The following SSBP3 variants were observed in gnomAD, a reference collection of about 807,000 sequenced individuals.
SSBP3 encodes the protein single-stranded DNA-binding protein 3.
SSBP3 carries 5 observed loss-of-function variants against 69.6 expected under a neutral mutation model. The ratio of observed to expected loss-of-function variants is 0.07; its 90% CI spans 0.04 to 0.15. The LOEUF is 0.15. SSBP3 is among the 10% of genes least tolerant of loss of function. The pLI is 1.00. For missense variants in SSBP3, 312 were observed against 534.0 expected, an observed-to-expected ratio of 0.58 and a Z score of 4.10; for synonymous variants, 196 against 193.4, an observed-to-expected ratio of 1.01 and a Z score of -0.11.
chr1:54,327,271 A>AC (rs1553139345), intron 4 of SSBP3, among the ~76,000 whole-genome samples: 17 of 151,308 alleles, frequency 1.1e-4, no homozygotes, highest in African/African-American at 3.9e-4. Context: ...GAAGGAAGGA[A>AC]AACAACAACA....
intron 4 of SSBP3, among the ~76,000 whole-genome samples, chr1:54,303,200 G>A (rs1440510534): frequency 2.0e-5 from 3 of 152,362 alleles, no homozygotes; most frequent in African/African-American, 4.8e-5. Flanking sequence ...GAGGCCAAGA[G>A]AGCAGAGATG....
intron 4 of SSBP3, among the ~76,000 whole-genome samples, chr1:54,355,726 A>G (rs939749704): frequency 5.3e-5 from 8 of 152,194 alleles, no homozygotes; most frequent in African/African-American, 1.9e-4. Flanking sequence ...AGTTATCTTA[A>G]AGTCCTCCTA....
At chr1:54,252,863 C>T (rs1644854039) in intron 7 of SSBP3, among the ~76,000 whole-genome samples, 1 of 152,196 alleles carries the variant, frequency 6.6e-6, no homozygotes, top group Non-Finnish European at 1.5e-5. Context: ...GTCATCTTTC[C>T]TCATCTGCAG....
intron 4 of SSBP3, among the ~76,000 whole-genome samples, chr1:54,388,526 A>G (rs1648249471): frequency 6.6e-6 from 1 of 152,218 alleles, no homozygotes; most frequent in Non-Finnish European, 1.5e-5. Context: ...ACAAATTAGG[A>G]AAGAAAGAAA....
intron 10 of SSBP3, 83 bp from the exon 11 acceptor site, chr1:54,242,295 G>C (rs2100653993): frequency 2.0e-6 from 3 of 1,533,628 alleles, no homozygotes; most frequent in Non-Finnish European, 2.7e-6. Flanking sequence ...CAGAAGGAAA[G>C]GGCTGAAATC....
intron 3 of SSBP3, among the ~76,000 whole-genome samples, chr1:54,403,707 G>C (rs571629036): frequency 3.3e-5 from 5 of 152,050 alleles, no homozygotes; most frequent in African/African-American, 9.6e-5. Flanking sequence ...CCGTTTTGCT[G>C]AACTCCATCA....
chr1:54,247,120 G>C (rs1390789983), intron 9 of SSBP3, among the ~76,000 whole-genome samples: 1 of 152,250 alleles, frequency 6.6e-6, no homozygotes. Context: ...TCCACAGTGA[G>C]AAGGGACCGA....
chr1:54,363,183 A>G (rs1646976940), intron 4 of SSBP3, among the ~76,000 whole-genome samples: 2 of 152,158 alleles, frequency 1.3e-5, no homozygotes, highest in African/African-American at 4.8e-5. Flanking sequence ...TCAGTTTCCA[A>G]GGGAAAATGA....
chr1:54,261,229 A>G (rs1645012700), intron 5 of SSBP3, among the ~76,000 whole-genome samples: 1 of 152,266 alleles, frequency 6.6e-6, no homozygotes, highest in Non-Finnish European at 1.5e-5. Flanking sequence ...TGCAAGGAAC[A>G]TGACAGATGA....
intron 4 of SSBP3, among the ~76,000 whole-genome samples, chr1:54,356,032 C>T (rs945402640): frequency 6.6e-6 from 1 of 152,182 alleles, no homozygotes; most frequent in African/African-American, 2.4e-5. Flanking sequence ...GAGAGGCAGC[C>T]TCATGAAATA....
At chr1:54,404,465 C>A in intron 3 of SSBP3, 111 bp downstream of exon 3, 1 of 1,350,412 alleles carries the variant, frequency 7.4e-7, no homozygotes, top group South Asian at 1.2e-5. Context: ...CTCTGTGCAA[C>A]GCAGAGGGCC....
chr1:54,320,676 G>A (rs1002470772), intron 4 of SSBP3, among the ~76,000 whole-genome samples: 1 of 152,196 alleles, frequency 6.6e-6, no homozygotes, highest in Non-Finnish European at 1.5e-5. Flanking sequence ...AGGTCAGGAA[G>A]TAGCTGCTGA....
intron 9 of SSBP3, among the ~76,000 whole-genome samples, chr1:54,250,964 T>A (rs926610362): frequency 1.3e-5 from 2 of 152,228 alleles, no homozygotes; most frequent in Non-Finnish European, 2.9e-5. Context: ...GCACCTGAAA[T>A]GCTTTCTTCC....
At chr1:54,377,195 C>CCCCTT (rs1647274492) in intron 4 of SSBP3, among the ~76,000 whole-genome samples, 1 of 152,180 alleles carries the variant, frequency 6.6e-6, no homozygotes, top group South Asian at 2.1e-4. Context: ...TGAAAGCATA[C>CCCCTT]CCCTTTCCCC....
intron 4 of SSBP3, among the ~76,000 whole-genome samples, chr1:54,289,687 G>A (rs1339143099): frequency 1.3e-5 from 2 of 152,176 alleles, no homozygotes; most frequent in Admixed American, 6.5e-5. Context: ...GAGGATGCAG[G>A]AGGTGATACA....
At chr1:54,366,094 T>C (rs541185715) in intron 4 of SSBP3, among the ~76,000 whole-genome samples, 2 of 152,284 alleles carry the variant, frequency 1.3e-5, no homozygotes, top group South Asian at 4.1e-4. Context: ...TGGAGGGTAC[T>C]TTTTCCAGAA....
At chr1:54,298,587 T>C (rs905491266) in intron 4 of SSBP3, among the ~76,000 whole-genome samples, 3 of 152,156 alleles carry the variant, frequency 2.0e-5, no homozygotes, top group Non-Finnish European at 2.9e-5. Flanking sequence ...CCAACTTCTT[T>C]TCGTAGCTTT....
At position 54,394,695 on chromosome 1, in the gene SSBP3, CTTTT is replaced by C. The variant is rs544898836; in HGVS notation, c.276+7162_276+7165del. Among the ~76,000 whole-genome samples, 930 of 97,026 alleles carry C rather than the reference CTTTT, an allele frequency of 9.6e-3. 2 individuals carry two copies. Among genetic ancestry groups the C allele is most frequent in the Non-Finnish European group, 0.015 (784 of 52,860 alleles). 63.7% of individuals were successfully genotyped at this position (97,026 alleles called of 152,430 possible). The stretch of plus-strand genomic sequence containing the variant: ...CAAGCTCACTGTCTCCTTAAGACTC[CTTTT>C]TTTTTTTTTTTTTTTTTTTTTGAGA... On this transcript the variant is annotated intron_variant, in intron 4 of 17. Coordinates refer to ENST00000610401, the Ensembl canonical transcript of SSBP3.
chr1:54,404,227 G>A (rs1013048120), intron 3 of SSBP3, among the ~76,000 whole-genome samples: 2 of 152,038 alleles, frequency 1.3e-5, no homozygotes, highest in Non-Finnish European at 1.5e-5. Context: ...CCTCCACGCC[G>A]CCCCACCCCC....
Sources: allele counts gnomAD v4.1 joint callset (sites outside exome capture counted in the v4.1 genomes callset), GRCh38; gene constraint gnomAD v4.1.1; transcripts MANE v1.5; gene names NCBI Gene and HGNC (gene_info 2026-07-23, HGNC 2026-07-21).